Variants in LPP observed in about 807,000 individuals in gnomAD.
The protein encoded by LPP is LIM domain containing preferred translocation partner in lipoma.
In LPP, 38 loss-of-function variants were observed where a neutral mutation model predicts 60.4. The ratio of observed to expected loss-of-function variants is 0.63; its 90% CI spans 0.49 to 0.83. The LOEUF (loss-of-function observed/expected upper bound fraction) is 0.83, where lower values mean the gene tolerates loss of function less well. LPP is among the 40% of genes least tolerant of loss of function. The pLI is 0.00. For synonymous variants in LPP, 328 were observed against 290.8 expected, an observed-to-expected ratio of 1.13 and a Z score of -1.30; for missense variants, 902 against 783.6, an observed-to-expected ratio of 1.15 and a Z score of -1.80.
chr3:188,463,883 C>T (rs1273313467), intron 4 of LPP, among the ~76,000 whole-genome samples: 1 of 152,202 alleles, frequency 6.6e-6, no homozygotes, highest in Non-Finnish European at 1.5e-5. Context: ...TCACACTAAG[C>T]ATTCATGGCA....
chr3:188,559,844 A>G (rs374318221), intron 6 of LPP, among the ~76,000 whole-genome samples: 132 of 152,224 alleles, frequency 8.7e-4, no homozygotes, highest in African/African-American at 3.1e-3. Context: ...TGAATGTAAC[A>G]CTGTTCCCCC....
At chr3:188,387,175 A>G (rs1050002902) in intron 3 of LPP, among the ~76,000 whole-genome samples, 1 of 152,198 alleles carries the variant, frequency 6.6e-6, no homozygotes, top group Admixed American at 6.5e-5. Flanking sequence ...ACATTCTATC[A>G]AGTTCAGAAC....
intron 2 of LPP, among the ~76,000 whole-genome samples, chr3:188,251,205 C>T (rs1162369722): frequency 6.7e-6 from 1 of 148,890 alleles, no homozygotes; most frequent in Non-Finnish European, 1.5e-5. Flanking sequence ...TTATTTTGGC[C>T]CTCAAATTAT....
At chr3:188,629,662 AT>A (rs1847504710) in intron 7 of LPP, among the ~76,000 whole-genome samples, 1 of 152,156 alleles carries the variant, frequency 6.6e-6, no homozygotes, top group Non-Finnish European at 1.5e-5. Flanking sequence ...GGCCGAAGCA[AT>A]TTATAGATTC....
chr3:188,753,696 C>T (rs1728935895), intron 8 of LPP, among the ~76,000 whole-genome samples: 1 of 151,802 alleles, frequency 6.6e-6, no homozygotes, highest in Admixed American at 6.6e-5. Context: ...ATGTGACTGT[C>T]TCCGAAACTG....
At chr3:188,830,371 G>A (rs1419598389) in intron 9 of LPP, among the ~76,000 whole-genome samples, 3 of 150,964 alleles carry the variant, frequency 2.0e-5, no homozygotes, top group Admixed American at 2.0e-4. Flanking sequence ...TTGGGAGGCT[G>A]AGGCGGGCAG....
At chr3:188,847,737 G>C (rs1186315333) in intron 9 of LPP, among the ~76,000 whole-genome samples, 1 of 152,184 alleles carries the variant, frequency 6.6e-6, no homozygotes. Flanking sequence ...TGGGATATTT[G>C]AAATGCCTAG....
At chr3:188,543,412 A>T (rs1248552760) in intron 6 of LPP, among the ~76,000 whole-genome samples, 1 of 152,170 alleles carries the variant, frequency 6.6e-6, no homozygotes, top group East Asian at 1.9e-4. Flanking sequence ...GCTTAGCTGG[A>T]CCACCAACTT....
At chr3:188,271,092 T>C (rs12330919) in intron 2 of LPP, among the ~76,000 whole-genome samples, 17,331 of 152,244 alleles carry the variant, frequency 0.11, 1,341 homozygotes, top group African/African-American at 0.21. Context: ...CAAATACTTT[T>C]TGTGGCTTGA....
chr3:188,553,795 C>A (rs1579906409), intron 6 of LPP: 1 of 152,192 alleles, frequency 6.6e-6, no homozygotes, highest in Non-Finnish European at 1.5e-5. Context: ...TGGCTGGTAA[C>A]ACCAGCAAAG....
intron 2 of LPP, among the ~76,000 whole-genome samples, chr3:188,310,309 G>A (rs66702144): frequency 0.17 from 26,106 of 151,358 alleles, 2,493 homozygotes; most frequent in East Asian, 0.32. Flanking sequence ...AATGTCTGCA[G>A]TGATATGAGG....
chr3:188,779,729 A>G (rs1739027501), intron 9 of LPP, among the ~76,000 whole-genome samples: 1 of 152,116 alleles, frequency 6.6e-6, no homozygotes, highest in South Asian at 2.1e-4. Flanking sequence ...TGAAATCTCT[A>G]AAGGTTAAAA....
chr3:188,159,647 A>G (rs1206721975), intron 1 of LPP, among the ~76,000 whole-genome samples: 3 of 152,194 alleles, frequency 2.0e-5, no homozygotes, highest in African/African-American at 7.2e-5. Context: ...CTGCAGCCAC[A>G]GGATAGCAAT....
intron 7 of LPP, among the ~76,000 whole-genome samples, chr3:188,683,189 A>G (rs1169216550): frequency 6.6e-6 from 1 of 151,958 alleles, no homozygotes; most frequent in African/African-American, 2.4e-5. Flanking sequence ...CTATTTTTAA[A>G]TTCACTTAGA....
At chr3:188,322,331 C>A (rs1281738589) in intron 2 of LPP, among the ~76,000 whole-genome samples, 1 of 152,148 alleles carries the variant, frequency 6.6e-6, no homozygotes, top group East Asian at 1.9e-4. Flanking sequence ...GTCCCTTTCC[C>A]TGATTCGTCC....
At chr3:188,574,225 A>G (rs1243262031) in intron 6 of LPP, among the ~76,000 whole-genome samples, 1 of 152,116 alleles carries the variant, frequency 6.6e-6, no homozygotes, top group Admixed American at 6.6e-5. Flanking sequence ...AACGTATATA[A>G]TAACCGTCTG....
At position 188,182,400 on chromosome 3, in the gene LPP, C is replaced by T. The variant is rs149681053; in HGVS notation, c.-190+28148C>T. ...TACTTATTTATAGTCATCCCTACCTCGTTCTTTTCATTGGTCGGAACTTCC... is the reference window on the plus strand; with the variant it reads ...TACTTATTTATAGTCATCCCTACCTTGTTCTTTTCATTGGTCGGAACTTCC... On this transcript the variant is annotated intron_variant, in intron 1 of 11. Coordinates refer to ENST00000617246, the MANE Select transcript of LPP (RefSeq NM_001375462.1). This position sits in a 1 kb window ranked among gnomAD's most constrained non-coding sequence, Gnocchi z 4.4. Among the ~76,000 whole-genome samples the T allele has an allele frequency of 1.4e-3, 216 of 152,326 alleles. No individual in the cohort carries two copies. The highest frequency in any genetic ancestry group is 5.0e-3 in the African/African-American group (208 of 41,578).
At chr3:188,427,630 C>T (rs750913433) in intron 4 of LPP, among the ~76,000 whole-genome samples, 7 of 152,116 alleles carry the variant, frequency 4.6e-5, no homozygotes, top group Non-Finnish European at 7.4e-5. Flanking sequence ...GAATCTATAG[C>T]GGCAGTCTGT....
At chr3:188,551,265 G>C (rs1253857708) in intron 6 of LPP, among the ~76,000 whole-genome samples, 2 of 152,088 alleles carry the variant, frequency 1.3e-5, no homozygotes, top group Non-Finnish European at 2.9e-5. Flanking sequence ...AGAAACCCCT[G>C]ATAAAACCAT....
Sources: gnomAD v4.1 joint callset for allele counts (sites outside exome capture counted in the v4.1 genomes callset) on GRCh38, gnomAD v4.1.1 for gene constraint, Gnocchi (gnomAD v3.1) non-coding constraint, MANE v1.5 for transcripts, NCBI Gene and HGNC (gene_info 2026-07-23, HGNC 2026-07-21) for gene names.